CCDC192: variants seen among roughly 807,000 people sequenced by gnomAD.
CCDC192 encodes coiled-coil domain-containing protein 192.
At chr5:127,779,670 A>G (rs1381438814) in intron 3 of CCDC192, among the ~76,000 whole-genome samples, 2 of 152,202 alleles carry the variant, frequency 1.3e-5, no homozygotes, top group Non-Finnish European at 2.9e-5. Flanking sequence ...CATCAACCTG[A>G]GACTGATGTT....
chr5:127,746,582 G>A (rs1753755768), intron 2 of CCDC192, among the ~76,000 whole-genome samples: 1 of 150,842 alleles, frequency 6.6e-6, no homozygotes, highest in Admixed American at 6.6e-5. Flanking sequence ...TCATCTCTAA[G>A]TGTAAATACA....
intron 3 of CCDC192, chr5:127,785,045 TTTTAA>T (rs1181960175): frequency 6.1e-6 from 3 of 491,216 alleles, no homozygotes; most frequent in Non-Finnish European, 1.2e-5. Context: ...AAAATGTCCA[TTTTAA>T]TTTGAGTGCA....
chr5:127,805,544 A>G (rs1290861395), intron 5 of CCDC192, among the ~76,000 whole-genome samples: 1 of 152,208 alleles, frequency 6.6e-6, no homozygotes, highest in African/African-American at 2.4e-5. Flanking sequence ...ACCACATGGC[A>G]GAGTTAATCA....
chr5:127,781,766 A>C (rs1028928203), intron 3 of CCDC192, among the ~76,000 whole-genome samples: 3 of 152,144 alleles, frequency 2.0e-5, no homozygotes, highest in Non-Finnish European at 4.4e-5. Context: ...CAAGGTAAAC[A>C]ATCATGTCAT....
chr5:127,894,852 A>G (rs1752834260), intron 6 of CCDC192, among the ~76,000 whole-genome samples: 1 of 152,230 alleles, frequency 6.6e-6, no homozygotes, highest in African/African-American at 2.4e-5. Flanking sequence ...TCCTTAAAGT[A>G]TTTGCCCATG....
At chr5:127,793,036 A>G (rs1336455820) in intron 3 of CCDC192, among the ~76,000 whole-genome samples, 1 of 152,198 alleles carries the variant, frequency 6.6e-6, no homozygotes, top group East Asian at 1.9e-4. Flanking sequence ...CCTATTGGGT[A>G]CTATGCTCAC....
chr5:127,848,658 A>T (rs1228105203), intron 5 of CCDC192, among the ~76,000 whole-genome samples: 1 of 152,228 alleles, frequency 6.6e-6, no homozygotes, highest in African/African-American at 2.4e-5. Flanking sequence ...AAAAAGGCTA[A>T]TAAGAGTCTC....
chr5:127,766,139 A>G (rs1755212206), intron 3 of CCDC192, among the ~76,000 whole-genome samples: 1 of 152,164 alleles, frequency 6.6e-6, no homozygotes, highest in South Asian at 2.1e-4. Context: ...TGCCTTTTTC[A>G]GAATGGTTTA....
chr5:127,795,802 C>T (rs773503545), intron 3 of CCDC192, among the ~76,000 whole-genome samples: 1 of 151,962 alleles, frequency 6.6e-6, no homozygotes, highest in Non-Finnish European at 1.5e-5. Context: ...CACTAGACTC[C>T]TTGGCTTTAA....
Position 127,860,066 on chromosome 5 carries a change from C to T in CCDC192, c.412-15472C>T, listed in dbSNP as rs1299373026. 2.6e-5 allele frequency among the ~76,000 whole-genome samples: 4 copies of T among 152,134 alleles called. No individual in the cohort carries two copies. The East Asian group carries it at 7.7e-4, about 29-fold the overall frequency. On this transcript the variant is annotated intron_variant, in intron 5 of 6. Coordinates refer to ENST00000514853, the MANE Select transcript of CCDC192 (RefSeq NM_001317938.2). ...CTTCAAGACTCAGCTCAGGTAATAT[C>T]TCCTCTAGTAAACCTTCCTTGAACC...
chr5:127,726,407 T>C (rs78578393), intron 2 of CCDC192, among the ~76,000 whole-genome samples: 2,574 of 152,288 alleles, frequency 0.017, 67 homozygotes, highest in African/African-American at 0.059. Context: ...TTTCATCTCA[T>C]AGGACTTTTC....
chr5:127,754,871 C>T (rs1754487049), intron 3 of CCDC192, among the ~76,000 whole-genome samples: 1 of 152,144 alleles, frequency 6.6e-6, no homozygotes, highest in African/African-American at 2.4e-5. Context: ...AGCAAAGCAG[C>T]AGGTGATAAG....
In CCDC192 at chr5:127,728,199, A is replaced by G. The variant is rs893543342; in HGVS notation, c.114+20439A>G. ...AAGTTAGGAAATCCAGAGAACCCCA[A>G]TAAGATACTCCATGAAAAGGTCAAC... On this transcript the variant is annotated intron_variant, in intron 2 of 6. Coordinates refer to ENST00000514853, the MANE Select transcript of CCDC192 (RefSeq NM_001317938.2). 7.2e-5 allele frequency among the ~76,000 whole-genome samples: 11 copies of G among 152,280 alleles called. No homozygotes were observed. In the South Asian group the frequency reaches 2.3e-3, roughly 32 times the overall value.
intron 3 of CCDC192, among the ~76,000 whole-genome samples, chr5:127,770,713 G>A (rs1194866895): frequency 6.6e-6 from 1 of 152,204 alleles, no homozygotes; most frequent in Non-Finnish European, 1.5e-5. Context: ...TGAATGTAGA[G>A]CTAAAGGCAG....
intron 3 of CCDC192, chr5:127,787,011 C>A (rs1329290842): frequency 3.0e-6 from 1 of 331,796 alleles, no homozygotes; most frequent in East Asian, 8.0e-5. Context: ...TGCTTCAGGC[C>A]ATGGGGGTTC....
chr5:127,906,006 TG>T (rs1352547171), intron 6 of CCDC192, among the ~76,000 whole-genome samples: 2 of 152,238 alleles, frequency 1.3e-5, no homozygotes, highest in African/African-American at 4.8e-5. Context: ...TTTTTATAAC[TG>T]TTTTTTTATT....
At chr5:127,899,791 G>T (rs1044927216) in intron 6 of CCDC192, among the ~76,000 whole-genome samples, 1 of 152,050 alleles carries the variant, frequency 6.6e-6, no homozygotes, top group African/African-American at 2.4e-5. Flanking sequence ...GTTTATCTTC[G>T]AATATTTACC....
intron 2 of CCDC192, among the ~76,000 whole-genome samples, chr5:127,752,765 A>T (rs944092445): frequency 1.3e-5 from 2 of 151,348 alleles, no homozygotes; most frequent in Non-Finnish European, 1.5e-5. Flanking sequence ...AGTCAGCGAG[A>T]CTCCGTGGGC....
chr5:127,705,310 T>A (rs1036027017), intron 1 of CCDC192, among the ~76,000 whole-genome samples: 1 of 152,194 alleles, frequency 6.6e-6, no homozygotes, highest in African/African-American at 2.4e-5. Context: ...CATTTTTAAA[T>A]CACCAGTTTT....
Sources: allele counts gnomAD v4.1 joint callset (sites outside exome capture counted in the v4.1 genomes callset), GRCh38; gene constraint gnomAD v4.1.1; transcripts MANE v1.5; gene names NCBI Gene and HGNC (gene_info 2026-07-23, HGNC 2026-07-21).